The following TMEM167A variants were observed in gnomAD, a reference collection of about 807,000 sequenced individuals.
TMEM167A encodes the protein protein kish-A.
In TMEM167A, 8 loss-of-function variants were observed where a neutral mutation model predicts 11.6. The ratio of observed to expected loss-of-function variants is 0.69; its 90% confidence interval spans 0.40 to 1.24. The LOEUF is 1.24. Ranked by LOEUF, TMEM167A falls within the 50% of genes most tolerant of loss-of-function variation. The probability of loss-of-function intolerance (pLI) is 0.01; values close to 1 mark genes in which losing one functional copy is unlikely to be tolerated. For synonymous variants in TMEM167A, 22 were observed against 28.0 expected, an observed-to-expected ratio of 0.79 and a Z score of 0.67; for missense variants, 62 against 87.0, an observed-to-expected ratio of 0.71 and a Z score of 1.14.
Position 83,077,312 on chromosome 5 carries a change from A to C in TMEM167A, c.3+9T>G. On this transcript the variant is annotated intron_variant, in intron 1 of 3. Coordinates refer to ENST00000502346, the MANE Select transcript of TMEM167A (RefSeq NM_174909.5). ...AGATCAACCGCGACCTGGGAGCCCC[A>C]CTTCTTACCATAGCGAGGCCGGCGA... The C allele has an allele frequency of 6.2e-7, 1 of 1,614,134 alleles. No individual in the cohort carries two copies. The highest frequency in any genetic ancestry group is 8.5e-7 in the Non-Finnish European group (1 of 1,180,004).
At position 83,055,926 on chromosome 5, in the gene TMEM167A, G is replaced by A. The variant is rs371491953; in HGVS notation, c.*1158C>T. 1 of 151,774 alleles carries A rather than the reference G, an allele frequency of 6.6e-6. No homozygotes were observed. The highest frequency in any genetic ancestry group is 1.5e-5 in the Non-Finnish European group (1 of 67,880). The allele number at this position is 151,774 out of a possible 1,614,324, so 9.4% of individuals were successfully genotyped here. On this transcript the variant is annotated 3_prime_UTR_variant, in exon 4 of 4. Transcript: ENST00000502346. ...TTTTTAGCTAAGATTTAAGTTCCTC[G>A]TAGCTCTGAAATTTTAACTGAATTT... is the stretch of plus-strand genomic sequence containing the variant.
intron 3 of TMEM167A, among the ~76,000 whole-genome samples, chr5:83,057,602 T>C (rs1300242750): frequency 1.3e-5 from 2 of 151,916 alleles, no homozygotes; most frequent in African/African-American, 2.4e-5. Context: ...CACTTAAAGG[T>C]ACAGGGAAGG....
rs771523929 is a variant in TMEM167A at position 83,065,044 on chromosome 5, G to T, written c.77C>A (p.Ser26Tyr). ...LLICTCAYIR[S>Y]LAPSLLDRNK... ...TCTGTCCAGGAGGCTGGGTGCCAAG[G>T]ATCGAATATAAGCACAGGTACATAT... is the stretch of plus-strand genomic sequence containing the variant. The change falls in exon 2 of 4, where the codon TCC (serine) becomes TAC (tyrosine). Residue 26 changes from serine to tyrosine, a missense_variant. Transcript: ENST00000502346. 1 of 1,606,756 alleles carries T rather than the reference G, an allele frequency of 6.2e-7. No individual in the cohort carries two copies. The highest frequency in any genetic ancestry group is 8.5e-7 in the Non-Finnish European group (1 of 1,178,090).
intron 3 of TMEM167A, among the ~76,000 whole-genome samples, chr5:83,058,565 T>G (rs892944956): frequency 1.3e-5 from 2 of 152,080 alleles, no homozygotes; most frequent in African/African-American, 4.8e-5. Context: ...ACCCCATTTG[T>G]AAATAAATTT....
chr5:83,059,950 T>G (rs1744384533), intron 3 of TMEM167A, among the ~76,000 whole-genome samples: 2 of 151,428 alleles, frequency 1.3e-5, no homozygotes, highest in African/African-American at 4.9e-5. Context: ...TTTTACCAGT[T>G]TAAGGTAATG....
intron 3 of TMEM167A, among the ~76,000 whole-genome samples, chr5:83,059,146 T>C (rs1744372244): frequency 7.2e-6 from 1 of 139,572 alleles, no homozygotes; most frequent in Non-Finnish European, 1.5e-5. Flanking sequence ...GAGAGGAAAA[T>C]GGAAATAATA....
At position 83,056,440 on chromosome 5, in the gene TMEM167A, G is replaced by A. The variant is rs899674371; in HGVS notation, c.*644C>T. On this transcript the variant is annotated 3_prime_UTR_variant, in exon 4 of 4. Transcript: ENST00000502346. ...CAGAGCCTACTATGTCATTTGGCTA[G>A]TCTAAATCCACTAATGTTAACTATC... 6.6e-6 allele frequency: 1 copy of A among 152,058 alleles called. No individual in the cohort carries two copies. The highest frequency in any genetic ancestry group is 1.5e-5 in the Non-Finnish European group (1 of 68,030). The allele number at this position is 152,058 out of a possible 1,614,324, so 9.4% of individuals were successfully genotyped here.
At chr5:83,074,186 T>A (rs1248221179) in intron 1 of TMEM167A, among the ~76,000 whole-genome samples, 3 of 152,222 alleles carry the variant, frequency 2.0e-5, no homozygotes, top group African/African-American at 7.2e-5. Context: ...TATACTTGAC[T>A]TCTTTTTATT....
At chr5:83,066,953 A>T (rs111229864) in intron 1 of TMEM167A, among the ~76,000 whole-genome samples, 396 of 152,288 alleles carry the variant, frequency 2.6e-3, no homozygotes, top group African/African-American at 8.8e-3. Flanking sequence ...TTGTGATGCA[A>T]CATAAAAGCC....
Position 83,054,056 on chromosome 5 carries a change from T to G in TMEM167A, c.*3028A>C, listed in dbSNP as rs541372757. On this transcript the variant is annotated 3_prime_UTR_variant, in exon 4 of 4. Coordinates refer to ENST00000502346, the MANE Select transcript of TMEM167A (RefSeq NM_174909.5). Reference sequence around the variant, plus strand: ...CAGGCAGAGATCTGCTCATTTTTACTCTGTAAACTTGGAAAAGTTAATTTA... The same window carrying G: ...CAGGCAGAGATCTGCTCATTTTTACGCTGTAAACTTGGAAAAGTTAATTTA... 6 of 152,160 alleles carry G rather than the reference T, an allele frequency of 3.9e-5. No homozygotes were observed. The highest frequency in any genetic ancestry group is 3.9e-4 in the Admixed American group (6 of 15,266). The allele number at this position is 152,160 out of a possible 1,614,324, so 9.4% of individuals were successfully genotyped here.
At chr5:83,072,025 T>TA (rs1028283250) in intron 1 of TMEM167A, among the ~76,000 whole-genome samples, 1 of 152,234 alleles carries the variant, frequency 6.6e-6, no homozygotes, top group African/African-American at 2.4e-5. Context: ...ACTTTCCATT[T>TA]AACAACTTTC....
intron 3 of TMEM167A, among the ~76,000 whole-genome samples, chr5:83,057,480 T>A (rs1744348753): frequency 1.3e-5 from 2 of 152,052 alleles, no homozygotes; most frequent in Admixed American, 6.6e-5. Context: ...AGAGAAACGA[T>A]CTCAACTCAA....
Position 83,057,151 on chromosome 5 carries a change from T to A in TMEM167A, c.152A>T (p.Glu51Val). 1 of 1,611,868 alleles carries A rather than the reference T, an allele frequency of 6.2e-7. No individual in the cohort carries two copies. Among genetic ancestry groups the A allele is most frequent in the Non-Finnish European group, 8.5e-7 (1 of 1,178,720 alleles). ...GIFWKCARIGERKSPYVAVCC... is the reference protein window; with the variant it reads ...GIFWKCARIGVRKSPYVAVCC... ...TACTGCAACATAAGGACTCTTCCGT[T>A]CACCTGTTGAAAAAAAGGAGATGTT... The change falls in exon 4 of 4, where the codon GAA (glutamate) becomes GTA (valine). Residue 51 changes from glutamate to valine, a missense_variant. Transcript: ENST00000502346.
chr5:83,065,515 T>C (rs1003017497), intron 1 of TMEM167A, among the ~76,000 whole-genome samples: 1 of 152,180 alleles, frequency 6.6e-6, no homozygotes, highest in African/African-American at 2.4e-5. Context: ...GTACTTTCAC[T>C]GTTGGATTTT....
In TMEM167A at chr5:83,054,399, C is replaced by G. The variant is rs1561299746; in HGVS notation, c.*2685G>C. On this transcript the variant is annotated 3_prime_UTR_variant, in exon 4 of 4. Coordinates refer to ENST00000502346, the MANE Select transcript of TMEM167A (RefSeq NM_174909.5). ...CAATCCAGAACTAAACATCAGCACA[C>G]AAAAAATACCAGGATAGATGGAATC... The G allele has an allele frequency of 6.6e-6, 1 of 151,832 alleles. No homozygotes were observed. Among genetic ancestry groups the G allele is most frequent in the Admixed American group, 6.6e-5 (1 of 15,210 alleles). 9.4% of individuals were successfully genotyped at this position (151,832 alleles called of 1,614,324 possible). A position where few individuals can be genotyped will look rare whatever the true frequency, so the allele number is the denominator to read the frequency against.
chr5:83,068,255 A>G (rs1476975168), intron 1 of TMEM167A, among the ~76,000 whole-genome samples: 4 of 152,162 alleles, frequency 2.6e-5, no homozygotes, highest in African/African-American at 9.7e-5. Context: ...TGGGGATTAA[A>G]AAAAAGGCAC....
chr5:83,059,772 C>T (rs1374356338), intron 3 of TMEM167A, among the ~76,000 whole-genome samples: 1 of 151,990 alleles, frequency 6.6e-6, no homozygotes, highest in Non-Finnish European at 1.5e-5. Context: ...ACATTTTGAG[C>T]TTGATAATTC....
At chr5:83,067,191 T>C (rs1744495497) in intron 1 of TMEM167A, among the ~76,000 whole-genome samples, 1 of 151,956 alleles carries the variant, frequency 6.6e-6, no homozygotes, top group African/African-American at 2.4e-5. Context: ...AACAGACAAC[T>C]AATTCTGAAG....
intron 3 of TMEM167A, among the ~76,000 whole-genome samples, chr5:83,060,929 A>G (rs1207777442): frequency 6.6e-6 from 1 of 152,210 alleles, no homozygotes; most frequent in African/African-American, 2.4e-5. Flanking sequence ...TACCGTGTTA[A>G]ATGTTACATA....
Sources: allele counts gnomAD v4.1 joint callset (sites outside exome capture counted in the v4.1 genomes callset), GRCh38; gene constraint gnomAD v4.1.1; transcripts MANE v1.5; gene names NCBI Gene and HGNC (gene_info 2026-07-23, HGNC 2026-07-21).